Variants in RMC1 observed in about 807,000 individuals in gnomAD.
RMC1 encodes the protein regulator of MON1-CCZ1 complex.
RMC1 carries 44 observed loss-of-function variants against 95.5 expected under a neutral mutation model. The observed-to-expected ratio is 0.46, with a 90% confidence interval of 0.36 to 0.59. The LOEUF (loss-of-function observed/expected upper bound fraction) is 0.59. Among genes scored for constraint, RMC1 ranks in the 20% least tolerant of loss-of-function variants. The probability of loss-of-function intolerance (pLI) is 0.00; values close to 1 mark genes in which losing one functional copy is unlikely to be tolerated. For missense variants in RMC1, 705 were observed against 819.6 expected (o/e 0.86, Z 1.71); for synonymous variants, 320 against 303.6 (o/e 1.05, Z -0.56).
intron 12 of RMC1, 22 bp downstream of exon 12, chr18:23,524,504 T>C: frequency 6.2e-7 from 1 of 1,612,504 alleles, no homozygotes; most frequent in Non-Finnish European, 8.5e-7. Flanking sequence ...GGGACAGTTG[T>C]CGTGTTACAA....
Position 23,531,231 on chromosome 18 carries a change from C to T in RMC1, c.1895-394C>T, listed in dbSNP as rs149462863. ...GTCTCAAACTCCTGACCTCATGATC[C>T]GCCTGCCTCAGCCTCCCAAAGTGCT... On this transcript the variant is annotated intron_variant, in intron 19 of 19. Transcript: ENST00000269221. 2.4e-3 allele frequency among the ~76,000 whole-genome samples: 367 copies of T among 152,138 alleles called. 2 individuals carry two copies. Among genetic ancestry groups the T allele is most frequent in the African/African-American group, 8.2e-3 (340 of 41,506 alleles).
chr18:23,529,168 T>C lies in RMC1; in HGVS notation c.1297-11T>C. On this transcript the variant is annotated splice_polypyrimidine_tract_variant and intron_variant, in intron 14 of 19. Coordinates refer to ENST00000269221, the MANE Select transcript of RMC1 (RefSeq NM_013326.5). The stretch of plus-strand genomic sequence containing the variant: ...TGCCGAAGATCATAGTTTGTGGTTT[T>C]TTTCTTTCAGGCGGTGGAAGCAGGG... The C allele has an allele frequency of 6.2e-7, 1 of 1,606,776 alleles. No individual in the cohort carries two copies. Among genetic ancestry groups the C allele is most frequent in the Non-Finnish European group, 8.5e-7 (1 of 1,178,030 alleles).
In RMC1 at chr18:23,529,613, GACC is replaced by G. The variant is rs758382639; in HGVS notation, c.1417-19_1417-17del. The G allele has an allele frequency of 4.6e-4, 736 of 1,604,514 alleles. No individual in the cohort carries two copies. Among genetic ancestry groups the G allele is most frequent in the Non-Finnish European group, 5.9e-4 (690 of 1,171,368 alleles). ...TTTTGCACCTCGTTGGTATTTGTAA[GACC>G]ACATTTTTTTCTCCCTAGGAGATGC... On this transcript the variant is annotated intron_variant, in intron 15 of 19. Transcript: ENST00000269221.
At position 23,526,674 on chromosome 18, in the gene RMC1, A is replaced by C. The variant is rs78871358; in HGVS notation, c.1098A>C (p.Ile366=). The C allele has an allele frequency of 6.7e-4, 1,088 of 1,614,204 alleles. 6 individuals carry two copies. In the African/African-American group the frequency reaches 0.013, roughly 20 times the overall value. ...ACCTCCAAGTGAAACTTGAGCCCAT[A>C]GTAAATCTCTTACCAGACAAAGGAA... The part of the protein sequence containing the change: ...LWNLQVKLEP[I]VNLLPDKGRL... Residue 366 remains isoleucine (I), a synonymous_variant, in exon 13 of 20, where the codon ATA becomes ATC. Transcript: ENST00000269221.
Position 23,529,720 on chromosome 18 carries a change from C to T in RMC1, c.1494+8C>T. 6.2e-7 allele frequency: 1 copy of T among 1,607,926 alleles called. No individual in the cohort carries two copies. The highest frequency in any genetic ancestry group is 1.3e-5 in the African/African-American group (1 of 74,818). ...TTTCAGATTGCAGTACAGGTACCTT[C>T]AAATCATCTGGGCCCAAGTTAAAAC... On this transcript the variant is annotated splice_region_variant and intron_variant, in intron 16 of 19. Transcript: ENST00000269221.
intron 7 of RMC1, 121 bp downstream of exon 7, chr18:23,516,544 C>T (rs1190509979): frequency 3.1e-6 from 3 of 975,526 alleles, no homozygotes; most frequent in Non-Finnish European, 4.7e-6. Context: ...GGAGGACTCC[C>T]CTTGTTCTGG....
chr18:23,527,751 C>G, intron 13 of RMC1, 44 bp from the exon 14 acceptor site: 1 of 1,478,758 alleles, frequency 6.8e-7, no homozygotes, highest in Non-Finnish European at 9.5e-7. Flanking sequence ...CTGAAGCTGA[C>G]ATGAAGTTGG....
chr18:23,520,197 C>T lies in RMC1; in HGVS notation c.850-5C>T. ...TGGCCTCAGTCTTGTCTTTTTCCCC[C>T]CCAGACATCGGTAATATTCGATATC... On this transcript the variant is annotated splice_region_variant and splice_polypyrimidine_tract_variant and intron_variant, in intron 9 of 19. Coordinates refer to ENST00000269221, the MANE Select transcript of RMC1 (RefSeq NM_013326.5). 1.2e-6 allele frequency: 2 copies of T among 1,611,224 alleles called. No homozygotes were observed. Among genetic ancestry groups the T allele is most frequent in the Middle Eastern group, 1.7e-4 (1 of 6,060 alleles).
chr18:23,516,099 G>GT, intron 6 of RMC1, 103 bp downstream of exon 6: 3 of 1,534,202 alleles, frequency 2.0e-6, no homozygotes, highest in Non-Finnish European at 2.7e-6. Context: ...TCCTCTAGCC[G>GT]TAACGTCACC....
At position 23,520,202 on chromosome 18, in the gene RMC1, A is replaced by G; in HGVS notation, c.850A>G (p.Thr284Ala). The G allele has an allele frequency of 6.2e-7, 1 of 1,613,236 alleles. No individual in the cohort carries two copies. The highest frequency in any genetic ancestry group is 8.5e-7 in the Non-Finnish European group (1 of 1,179,192). ...LVVVHHQDTE[T>A]SVIFDIKLRG... Reference sequence around the variant, plus strand: ...TCAGTCTTGTCTTTTTCCCCCCCAGACATCGGTAATATTCGATATCAAGTT... The same window carrying G: ...TCAGTCTTGTCTTTTTCCCCCCCAGGCATCGGTAATATTCGATATCAAGTT... The change falls in exon 10 of 20, where the codon ACA becomes GCA. Residue 284 changes from threonine (T) to alanine (A), a missense_variant and splice_region_variant. Physicochemically the swap from Thr to Ala is moderately conservative, Grantham distance 58 (BLOSUM62 0). Transcript: ENST00000269221.
intron 19 of RMC1, 81 bp downstream of exon 19, chr18:23,530,693 C>A: frequency 7.5e-7 from 1 of 1,340,720 alleles, no homozygotes. Flanking sequence ...GGGCGAGGAC[C>A]CTGGGTTAGC....
Position 23,531,621 on chromosome 18 carries a change from C to G in RMC1, c.1895-4C>G. 6.2e-7 allele frequency: 1 copy of G among 1,610,656 alleles called. No individual in the cohort carries two copies. The highest frequency in any genetic ancestry group is 8.5e-7 in the Non-Finnish European group (1 of 1,179,230). On this transcript the variant is annotated splice_region_variant and splice_polypyrimidine_tract_variant and intron_variant, in intron 19 of 19. Coordinates refer to ENST00000269221, the MANE Select transcript of RMC1 (RefSeq NM_013326.5). Reference sequence around the variant, plus strand: ...AACTGGCAATTAAATCTCTTCCTTTCTAGGGGAACACTGTGAAGAACATGT... The same window carrying G: ...AACTGGCAATTAAATCTCTTCCTTTGTAGGGGAACACTGTGAAGAACATGT...
intron 3 of RMC1, among the ~76,000 whole-genome samples, chr18:23,507,696 A>G (rs2057750213): frequency 6.6e-6 from 1 of 152,190 alleles, no homozygotes; most frequent in Non-Finnish European, 1.5e-5. Context: ...GTGCAGCAAC[A>G]CATTTCTCTG....
Position 23,530,258 on chromosome 18 carries a change from C to A in RMC1, c.1629C>A (p.Phe543Leu). The A allele has an allele frequency of 6.2e-7, 1 of 1,614,218 alleles. No homozygotes were observed. The highest frequency in any genetic ancestry group is 2.2e-5 in the East Asian group (1 of 44,890). The change falls in exon 18 of 20, where the codon TTC becomes TTA. Residue 543 changes from phenylalanine to leucine, a missense_variant. Phe to Leu is a conservative substitution (Grantham distance 22). Transcript: ENST00000269221. ...GTCTGCTGTTATCCCTAGAGAGTTT[C>A]TATCCTCCTGCTCATCAGCTATCTC... ...LACLLLSLES[F>L]YPPAHQLSLD...
chr18:23,516,185 G>A (rs1598868645), intron 6 of RMC1, 135 bp from the exon 7 acceptor site: 2 of 1,313,726 alleles, frequency 1.5e-6, no homozygotes, highest in East Asian at 2.3e-5. Flanking sequence ...CAGACAGGCT[G>A]TGAGAGGACA....
At chr18:23,520,350 T>G in intron 10 of RMC1, 37 bp downstream of exon 10, 1 of 1,506,706 alleles carries the variant, frequency 6.6e-7, no homozygotes, top group Non-Finnish European at 9.2e-7. Flanking sequence ...GTGCTGCCCT[T>G]TCACCATGTG....
chr18:23,521,375 A>G (rs1173005778), intron 10 of RMC1, among the ~76,000 whole-genome samples: 1 of 152,232 alleles, frequency 6.6e-6, no homozygotes, highest in East Asian at 1.9e-4. Flanking sequence ...TTAGCTCTGT[A>G]ACGCTGAAAT....
At chr18:23,529,883 G>A in intron 16 of RMC1, 145 bp from the exon 17 acceptor site, 1 of 1,035,822 alleles carries the variant, frequency 9.7e-7, no homozygotes, top group Non-Finnish European at 1.4e-6. Context: ...GGTCAAGTTG[G>A]GGTCTTTACC....
chr18:23,518,516 G>T (rs991031849), intron 7 of RMC1, among the ~76,000 whole-genome samples: 1 of 151,908 alleles, frequency 6.6e-6, no homozygotes, highest in Non-Finnish European at 1.5e-5. Flanking sequence ...AAAAAAAATA[G>T]TGATTATATT....
Sources: gnomAD v4.1 joint callset for allele counts (sites outside exome capture counted in the v4.1 genomes callset) on GRCh38, gnomAD v4.1.1 for gene constraint, MANE v1.5 for transcripts, NCBI Gene and HGNC (gene_info 2026-07-23, HGNC 2026-07-21) for gene names.